The following SRPX2 variants were observed in gnomAD, a reference collection of about 807,000 sequenced individuals.
SRPX2 encodes the protein sushi repeat-containing protein SRPX2.
Under a neutral mutation model 45.3 loss-of-function variants are expected in SRPX2, and 26 were observed. The observed-to-expected ratio is 0.57, with a 90% CI of 0.42 to 0.80. SRPX2 has a LOEUF of 0.80. Ranked by LOEUF, SRPX2 falls within the 30% of genes least tolerant of loss-of-function variation. SRPX2 has a pLI of 0.00. For missense variants in SRPX2, 355 were observed against 399.8 expected, an observed-to-expected ratio of 0.89 and a Z score of 0.95; for synonymous variants, 125 against 143.7, an observed-to-expected ratio of 0.87 and a Z score of 0.93.
chrX:100,662,400 T>C, intron 4 of SRPX2, 33 bp downstream of exon 4: 2 of 1,207,024 alleles, frequency 1.7e-6, no homozygotes, highest in Non-Finnish European at 2.2e-6. Context: ...CTGATGTATG[T>C]ATGCGAGAGA....
Position 100,659,931 on chromosome X carries a change from A to T in SRPX2, c.164-2245A>T, listed in dbSNP as rs766111517. ...TGGGCAGGCGGCCCTCTGCTTGTTT[A>T]TATGTGCCCCTTTAAACTCTGAACC... On this transcript the variant is annotated intron_variant, in intron 3 of 10. Transcript: ENST00000373004. Among the ~76,000 whole-genome samples the T allele has an allele frequency of 2.8e-5, 3 of 108,157 alleles. No individual in the cohort carries two copies. In the South Asian group the frequency reaches 1.3e-3, roughly 45 times the overall value. The allele number at this position is 108,157 out of a possible 115,157, so 93.9% of individuals were successfully genotyped here. A position where few individuals can be genotyped will look rare whatever the true frequency, so the allele number is the denominator to read the frequency against.
At position 100,672,451 on chromosome X, in the gene SRPX2, C is replaced by T. The variant is rs1268808264; in HGVS notation, c.*1464C>T. ...TTCTAAACACTCTACTGATTGACTC[C>T]GAAGCCTTCACAAGAACCCTATGAG... is the stretch of plus-strand genomic sequence containing the variant. On this transcript the variant is annotated 3_prime_UTR_variant, in exon 11 of 11. Transcript: ENST00000373004. The T allele has an allele frequency of 8.9e-6, 1 of 112,137 alleles. No individual in the cohort carries two copies. Among genetic ancestry groups the T allele is most frequent in the East Asian group, 2.8e-4 (1 of 3,567 alleles). 9.2% of individuals were successfully genotyped at this position (112,137 alleles called of 1,213,427 possible). A position where few individuals can be genotyped will look rare whatever the true frequency, so the allele number is the denominator to read the frequency against.
chrX:100,654,593 C>A, intron 3 of SRPX2, among the ~76,000 whole-genome samples: 1 of 111,181 alleles, frequency 9.0e-6, no homozygotes, highest in Middle Eastern at 4.6e-3. Context: ...CATGAAATTT[C>A]ATTTGGTTCT....
chrX:100,665,753 C>T (rs1027787837), intron 7 of SRPX2, 96 bp downstream of exon 7: 25 of 1,149,949 alleles, frequency 2.2e-5, no homozygotes, highest in Non-Finnish European at 2.9e-5. Flanking sequence ...AAGAGACACA[C>T]CTCATTTATA....
Position 100,671,050 on chromosome X carries a change from C to G in SRPX2, c.*63C>G. 2 of 1,110,849 alleles carry G rather than the reference C, an allele frequency of 1.8e-6. No homozygotes were observed. Among genetic ancestry groups the G allele is most frequent in the Admixed American group, 2.5e-5 (1 of 39,447 alleles). The allele number at this position is 1,110,849 out of a possible 1,213,427, so 91.5% of individuals were successfully genotyped here. A position where few individuals can be genotyped will look rare whatever the true frequency, so the allele number is the denominator to read the frequency against. On this transcript the variant is annotated 3_prime_UTR_variant, in exon 11 of 11. Transcript: ENST00000373004. ...TCCTCTAGTTAGCTGAAACTGGGACCTAATAAAAGGAGGAAATGTTTTCCC... is the reference window on the plus strand; with the variant it reads ...TCCTCTAGTTAGCTGAAACTGGGACGTAATAAAAGGAGGAAATGTTTTCCC...
At chrX:100,663,470 A>T (rs1034146779) in intron 4 of SRPX2, among the ~76,000 whole-genome samples, 1 of 112,073 alleles carries the variant, frequency 8.9e-6, no homozygotes, top group Non-Finnish European at 1.9e-5. Flanking sequence ...CTGTCATATG[A>T]TACTAAGCAA....
At chrX:100,665,161 G>T in intron 5 of SRPX2, 82 bp from the exon 6 acceptor site, 1 of 1,174,147 alleles carries the variant, frequency 8.5e-7, no homozygotes. Context: ...TCTACCCAGT[G>T]GTGTGTGGCA....
At chrX:100,659,616 G>A (rs1280789939) in intron 3 of SRPX2, among the ~76,000 whole-genome samples, 1 of 111,277 alleles carries the variant, frequency 9.0e-6, no homozygotes, top group Non-Finnish European at 1.9e-5. Context: ...TCTCCAGATG[G>A]CAGCCATGTG....
chrX:100,655,604 T>C (rs1288402816), intron 3 of SRPX2, among the ~76,000 whole-genome samples: 1 of 111,247 alleles, frequency 9.0e-6, no homozygotes, highest in Non-Finnish European at 1.9e-5. Flanking sequence ...AAGCCTGGGT[T>C]CAAATTTCAG....
Position 100,664,876 on chromosome X carries a change from A to G in SRPX2, c.458A>G (p.Tyr153Cys). 1 of 1,210,836 alleles carries G rather than the reference A, an allele frequency of 8.3e-7. No homozygotes were observed. Among genetic ancestry groups the G allele is most frequent in the Non-Finnish European group, 1.1e-6 (1 of 895,200 alleles). Residue 153 changes from tyrosine (Y) to cysteine (C), a missense_variant, in exon 5 of 11, where the codon TAC (tyrosine) becomes TGC (cysteine). Coordinates refer to ENST00000373004, the MANE Select transcript of SRPX2 (RefSeq NM_014467.3). Reference sequence around the variant, plus strand: ...TGTGACTACAGCTGTTCCAGTGGCTACCACCTGGAAGGTGATCGCAGCCGA... The same window carrying G: ...TGTGACTACAGCTGTTCCAGTGGCTGCCACCTGGAAGGTGATCGCAGCCGA... ...SRCDYSCSSGYHLEGDRSRIC... is the reference protein window; with the variant it reads ...SRCDYSCSSGCHLEGDRSRIC...
rs377312848 is a variant in SRPX2 at position 100,665,546 on chromosome X, C to G, written c.670C>G (p.Arg224Gly). Residue 224 changes from arginine to glycine, a missense_variant, in exon 7 of 11, where the codon CGG becomes GGG. Transcript: ENST00000373004. ...CCCTGTCCCATGCAGGGTGACACTT[C>G]GGGGCCCTGAGCCTGGCTCTCACTT... ...ADGTITRVTL[R>G]GPEPGSHFPE... The G allele has an allele frequency of 8.3e-7, 1 of 1,212,068 alleles. No individual in the cohort carries two copies. The highest frequency in any genetic ancestry group is 1.1e-6 in the Non-Finnish European group (1 of 895,580).
At chrX:100,657,510 C>A (rs960137077) in intron 3 of SRPX2, among the ~76,000 whole-genome samples, 2 of 105,629 alleles carry the variant, frequency 1.9e-5, no homozygotes, top group Non-Finnish European at 3.9e-5. Flanking sequence ...ACCACCATGC[C>A]CAGCTAATTT....
chrX:100,661,683 T>C (rs1025084615), intron 3 of SRPX2, among the ~76,000 whole-genome samples: 1 of 112,112 alleles, frequency 8.9e-6, no homozygotes, highest in Non-Finnish European at 1.9e-5. Context: ...GGCAGGAGAA[T>C]GGCGTGAACG....
At chrX:100,650,897 T>C in intron 3 of SRPX2, 32 bp downstream of exon 3, 1 of 1,152,163 alleles carries the variant, frequency 8.7e-7, no homozygotes. Context: ...GCCCAGAAAA[T>C]CTCTTTTCTG....
At chrX:100,669,422 G>GGGGC in intron 10 of SRPX2, 53 bp downstream of exon 10, 11 of 319,073 alleles carry the variant, frequency 3.4e-5, no homozygotes, top group East Asian at 1.1e-4. Context: ...GGGGCGGGGG[G>GGGGC]AGAAACCCTA....
intron 3 of SRPX2, among the ~76,000 whole-genome samples, chrX:100,652,085 T>G (rs762459271): frequency 1.8e-5 from 2 of 112,178 alleles, no homozygotes; most frequent in Non-Finnish European, 3.8e-5. Flanking sequence ...TAAATTGTCA[T>G]TTTAGAACAT....
At chrX:100,665,775 GA>G in intron 7 of SRPX2, 118 bp downstream of exon 7, 1 of 1,080,628 alleles carries the variant, frequency 9.3e-7, no homozygotes, top group Non-Finnish European at 1.3e-6. Flanking sequence ...TGGGAGAGGA[GA>G]AAAACAAGTT....
rs2083224537 is a variant in SRPX2, at chrX:100,671,432, C to CA, written c.*449dup. On this transcript the variant is annotated 3_prime_UTR_variant, in exon 11 of 11. Transcript: ENST00000373004. ...AGGATGAGGGGTGGGTAGCAGGGTA[C>CA]AAAACATCCTTTTTTTTTTTTTTTT... is the stretch of plus-strand genomic sequence containing the variant. 1 of 110,102 alleles carries CA rather than the reference C, an allele frequency of 9.1e-6. No homozygotes were observed. Among genetic ancestry groups the CA allele is most frequent in the Admixed American group, 1.2e-4 (1 of 8,667 alleles). 9.1% of individuals were successfully genotyped at this position (110,102 alleles called of 1,213,427 possible).
rs761732701 is a variant in SRPX2 at position 100,650,873 on chromosome X, AC to A, written c.163+11del. 8.4e-7 allele frequency: 1 copy of A among 1,196,282 alleles called. No homozygotes were observed. Among genetic ancestry groups the A allele is most frequent in the Non-Finnish European group, 1.1e-6 (1 of 883,655 alleles). On this transcript the variant is annotated intron_variant, in intron 3 of 10. Transcript: ENST00000373004. ...CTGCCCTGGACTACCGAGGTAATCT[AC>A]CCTGCTTCTCAAGCCCAGAAAATCT...
Sources: gnomAD v4.1 joint callset for allele counts (sites outside exome capture counted in the v4.1 genomes callset) on GRCh38, gnomAD v4.1.1 for gene constraint, MANE v1.5 for transcripts, NCBI Gene and HGNC (gene_info 2026-07-23, HGNC 2026-07-21) for gene names.